The following HTR2A variants were observed in gnomAD, a reference collection of about 807,000 sequenced individuals.
HTR2A encodes 5-HT2 receptor.
Under a neutral mutation model 31.0 loss-of-function variants are expected in HTR2A, and 14 were observed. The observed-to-expected ratio is 0.45, with a 90% confidence interval of 0.30 to 0.71. HTR2A has a LOEUF of 0.71. Ranked by LOEUF, HTR2A falls within the 30% of genes least tolerant of loss-of-function variation. The pLI is 0.09. For synonymous variants in HTR2A, 209 were observed against 225.2 expected (o/e 0.93, Z 0.64); for missense variants, 442 against 573.3 (o/e 0.77, Z 2.34).
rs1223036104 is a variant in HTR2A, at chr13:46,834,274, A to G, written c.*563T>C. Reference sequence around the variant, plus strand: ...AAATGGTATCTATGAAAAAGCAGGAATGAAAAATGTTGTCAAGTATTTCAT... The same window carrying G: ...AAATGGTATCTATGAAAAAGCAGGAGTGAAAAATGTTGTCAAGTATTTCAT... On this transcript the variant is annotated 3_prime_UTR_variant, in exon 4 of 4. Coordinates refer to ENST00000542664, the MANE Select transcript of HTR2A (RefSeq NM_000621.5). 1 of 152,684 alleles carries G rather than the reference A, an allele frequency of 6.5e-6. No individual in the cohort carries two copies. The highest frequency in any genetic ancestry group is 1.5e-5 in the Non-Finnish European group (1 of 68,042). 9.5% of individuals were successfully genotyped at this position (152,684 alleles called of 1,614,324 possible).
intron 3 of HTR2A, among the ~76,000 whole-genome samples, chr13:46,860,432 C>T (rs1950770693): frequency 6.6e-6 from 1 of 152,092 alleles, no homozygotes; most frequent in Admixed American, 6.6e-5. Flanking sequence ...GTGTTTGTGT[C>T]AGGGTTAGGA....
intron 3 of HTR2A, among the ~76,000 whole-genome samples, chr13:46,873,442 A>G (rs1204226669): frequency 6.8e-6 from 1 of 147,470 alleles, no homozygotes; most frequent in Non-Finnish European, 1.5e-5. Flanking sequence ...TATTATTATT[A>G]TTATTATTAT....
chr13:46,876,432 CAG>C (rs1478438302), intron 3 of HTR2A, among the ~76,000 whole-genome samples: 11 of 101,354 alleles, frequency 1.1e-4, no homozygotes, highest in African/African-American at 3.0e-4. Flanking sequence ...TTTTTTGAGA[CAG>C]AGTCTTGCTC....
At chr13:46,836,108 A>G (rs1313595004) in intron 3 of HTR2A, among the ~76,000 whole-genome samples, 1 of 151,976 alleles carries the variant, frequency 6.6e-6, no homozygotes, top group Non-Finnish European at 1.5e-5. Context: ...TGTTCATTTT[A>G]GATACATTCA....
At position 46,896,217 on chromosome 13, in the gene HTR2A, C is replaced by T. The variant is rs6310; in HGVS notation, c.-311G>A. The T allele has an allele frequency of 0.94, 1,055,734 of 1,125,922 alleles. 495,678 individuals carry two copies. Among genetic ancestry groups the T allele is most frequent in the East Asian group, 1 (18,932 of 18,936 alleles). 69.7% of individuals were successfully genotyped at this position (1,125,922 alleles called of 1,614,324 possible). A position where few individuals can be genotyped will look rare whatever the true frequency, so the allele number is the denominator to read the frequency against. ...GAGGTTGCAGGGTTTTTTTTGAGCG[C>T]TCGGGAAGATAAATGTCCTGGACAA... On this transcript the variant is annotated 5_prime_UTR_variant, in exon 2 of 4. Transcript: ENST00000542664.
Position 46,835,165 on chromosome 13 carries a change from T to C in HTR2A, c.1088A>G (p.Asn363Ser). ...CNEDVIGALL[N>S]VFVWIGYLSS... ...GAGATAACCGATCCAAACAAACACA[T>C]TGAGCAGGGCCCCAATGACATCCTC... Residue 363 changes from asparagine to serine, a missense_variant, in exon 4 of 4, where the codon AAT (asparagine) becomes AGT (serine). By Grantham distance (46) the Asn-to-Ser change is conservative. Around this residue, in one of 5 missense-constraint regions of HTR2A, gnomAD observed 174 missense variants for 195.1 expected, o/e 0.89. Transcript: ENST00000542664. 1.2e-6 allele frequency: 2 copies of C among 1,614,100 alleles called. No homozygotes were observed. Among genetic ancestry groups the C allele is most frequent in the East Asian group, 2.2e-5 (1 of 44,884 alleles).
At chr13:46,850,710 T>G (rs1225408083) in intron 3 of HTR2A, among the ~76,000 whole-genome samples, 1 of 152,206 alleles carries the variant, frequency 6.6e-6, no homozygotes, top group Non-Finnish European at 1.5e-5. Flanking sequence ...TCTGTGCTTG[T>G]GTTGCAGGGG....
At position 46,896,868 on chromosome 13, in the gene HTR2A, C is replaced by G; in HGVS notation, c.-523G>C. The G allele has an allele frequency of 6.5e-7, 1 of 1,531,682 alleles. No homozygotes were observed. The highest frequency in any genetic ancestry group is 8.7e-7 in the Non-Finnish European group (1 of 1,144,146). The allele number at this position is 1,531,682 out of a possible 1,614,324, so 94.9% of individuals were successfully genotyped here. ...GAGCCAGCTCCCGCACTGCTAGGAT[C>G]CTGTTGGCTTCCTCTGGCACGGCTC... On this transcript the variant is annotated 5_prime_UTR_variant, in exon 1 of 4. Transcript: ENST00000542664.
intron 3 of HTR2A, among the ~76,000 whole-genome samples, chr13:46,881,093 G>A (rs1054279595): frequency 2.0e-5 from 3 of 152,176 alleles, no homozygotes; most frequent in South Asian, 2.1e-4. Context: ...AAGGACAACC[G>A]AGGACATGTC....
rs187285218 is a variant in HTR2A at position 46,835,040 on chromosome 13, G to T, written c.1213C>A (p.Pro405Thr). The T allele has an allele frequency of 1.9e-6, 3 of 1,614,110 alleles. No individual in the cohort carries two copies. The East Asian group carries it at 6.7e-5, about 36-fold the overall frequency. Residue 405 changes from proline (P) to threonine (T), a missense_variant, in exon 4 of 4, where the codon CCA (proline) becomes ACA (threonine). Coordinates refer to ENST00000542664, the MANE Select transcript of HTR2A (RefSeq NM_000621.5). ...GTGTTCACTAAAATTAACTGCAATG[G>T]TTTTTTGTTTTCCTTGTACTGACAC... Reference protein sequence around the residue: ...IQCQYKENKKPLQLILVNTIP... With the variant: ...IQCQYKENKKTLQLILVNTIP...
chr13:46,847,415 G>C (rs932544467), intron 3 of HTR2A, among the ~76,000 whole-genome samples: 2 of 152,100 alleles, frequency 1.3e-5, no homozygotes, highest in African/African-American at 4.8e-5. Flanking sequence ...ATGCTTACAG[G>C]GCCAGTGAAG....
intron 3 of HTR2A, among the ~76,000 whole-genome samples, chr13:46,880,556 T>G (rs1950951909): frequency 6.6e-6 from 1 of 152,130 alleles, no homozygotes; most frequent in Admixed American, 6.5e-5. Flanking sequence ...GAAGCACTTC[T>G]GACCGGGCAT....
Position 46,834,766 on chromosome 13 carries a change from T to G in HTR2A, c.*71A>C. The G allele has an allele frequency of 8.4e-7, 1 of 1,196,990 alleles. No individual in the cohort carries two copies. The highest frequency in any genetic ancestry group is 1.2e-6 in the Non-Finnish European group (1 of 861,748). 74.1% of individuals were successfully genotyped at this position (1,196,990 alleles called of 1,614,324 possible). A position where few individuals can be genotyped will look rare whatever the true frequency, so the allele number is the denominator to read the frequency against. ...ACTTGTCTAATTTTTTCCAATCTCA[T>G]ATTTTTTTTTTTCCAGATAGGTGAA... On this transcript the variant is annotated 3_prime_UTR_variant, in exon 4 of 4. Coordinates refer to ENST00000542664, the MANE Select transcript of HTR2A (RefSeq NM_000621.5).
At chr13:46,888,948 G>A (rs987943138) in intron 3 of HTR2A, among the ~76,000 whole-genome samples, 1 of 152,064 alleles carries the variant, frequency 6.6e-6, no homozygotes, top group Non-Finnish European at 1.5e-5. Flanking sequence ...AAGAAGGTAA[G>A]AATGAAAAGA....
At chr13:46,840,444 A>G (rs1336622655) in intron 3 of HTR2A, among the ~76,000 whole-genome samples, 1 of 152,194 alleles carries the variant, frequency 6.6e-6, no homozygotes, top group Non-Finnish European at 1.5e-5. Flanking sequence ...ATAAATTGCA[A>G]CTTTTCAAGG....
chr13:46,842,034 T>C (rs1950601414), intron 3 of HTR2A, among the ~76,000 whole-genome samples: 1 of 152,214 alleles, frequency 6.6e-6, no homozygotes, highest in African/African-American at 2.4e-5. Context: ...TTCATCATTC[T>C]ACATTGTAGG....
chr13:46,843,071 C>T (rs1950612326), intron 3 of HTR2A, among the ~76,000 whole-genome samples: 2 of 152,216 alleles, frequency 1.3e-5, no homozygotes, highest in East Asian at 3.8e-4. Context: ...TGGATCCATG[C>T]TGCAGATGCT....
chr13:46,880,849 GA>G (rs58351412), intron 3 of HTR2A, among the ~76,000 whole-genome samples: 1 of 150,514 alleles, frequency 6.6e-6, no homozygotes. Context: ...AAATAAAAAA[GA>G]AAAAAAAAGA....
At chr13:46,850,926 A>G (rs1431060477) in intron 3 of HTR2A, among the ~76,000 whole-genome samples, 1 of 152,144 alleles carries the variant, frequency 6.6e-6, no homozygotes, top group Non-Finnish European at 1.5e-5. Flanking sequence ...TTCCCAGCTA[A>G]TTGGTGTCCC....
Sources: gnomAD v4.1 joint callset for allele counts (sites outside exome capture counted in the v4.1 genomes callset) on GRCh38, gnomAD v4.1.1 for gene constraint, gnomAD v4.1.1 regional missense constraint, MANE v1.5 for transcripts, NCBI Gene and HGNC (gene_info 2026-07-23, HGNC 2026-07-21) for gene names.